BNC2: variants seen among roughly 807,000 people sequenced by gnomAD.
BNC2 encodes zinc finger protein basonuclin-2.
Under a neutral mutation model 76.3 loss-of-function variants are expected in BNC2, and 20 were observed. The ratio of observed to expected loss-of-function variants is 0.26; its 90% CI spans 0.18 to 0.38. The LOEUF (loss-of-function observed/expected upper bound fraction) is 0.38. Ranked by LOEUF, BNC2 falls within the 10% of genes least tolerant of loss-of-function variation. The pLI is 1.00. For missense variants in BNC2, 1,382 were observed against 1,399.8 expected (o/e 0.99, Z 0.20); for synonymous variants, 582 against 514.8 (o/e 1.13, Z -1.77).
chr9:16,709,470 A>C (rs188715001), intron 3 of BNC2, among the ~76,000 whole-genome samples: 1 of 152,324 alleles, frequency 6.6e-6, no homozygotes, highest in African/African-American at 2.4e-5. Flanking sequence ...CACAGAGCTT[A>C]TCAAAATAGG....
intron 3 of BNC2, among the ~76,000 whole-genome samples, chr9:16,617,323 T>A (rs1364732818): frequency 6.6e-6 from 1 of 152,050 alleles, no homozygotes; most frequent in African/African-American, 2.4e-5. Context: ...TACGAAAAAA[T>A]ACAATTGAAA....
At chr9:16,816,964 T>G (rs1818198783) in intron 1 of BNC2, among the ~76,000 whole-genome samples, 1 of 152,202 alleles carries the variant, frequency 6.6e-6, no homozygotes, top group African/African-American at 2.4e-5. Flanking sequence ...GACTTTTGTG[T>G]CACTGGCCAT....
chr9:16,682,643 G>T (rs959052382), intron 3 of BNC2, among the ~76,000 whole-genome samples: 4 of 152,112 alleles, frequency 2.6e-5, no homozygotes, highest in Admixed American at 2.6e-4. Flanking sequence ...GATCCTCCAC[G>T]CATTCACATA....
chr9:16,866,230 ATTTC>A (rs890312400), intron 1 of BNC2, among the ~76,000 whole-genome samples: 7 of 152,226 alleles, frequency 4.6e-5, no homozygotes, highest in South Asian at 2.1e-4. Flanking sequence ...TTTAAATCCT[ATTTC>A]TTTAACTTAT....
At chr9:16,753,741 A>G (rs1742726832) in intron 1 of BNC2, among the ~76,000 whole-genome samples, 1 of 152,196 alleles carries the variant, frequency 6.6e-6, no homozygotes, top group African/African-American at 2.4e-5. Context: ...ATATTTCTTC[A>G]AAATAATCTA....
At chr9:16,589,052 A>AG (rs1481896601) in intron 3 of BNC2, among the ~76,000 whole-genome samples, 3 of 152,208 alleles carry the variant, frequency 2.0e-5, no homozygotes, top group African/African-American at 4.8e-5. Flanking sequence ...TCATAATGAG[A>AG]GGGGAAAAAA....
chr9:16,730,105 C>G (rs1824463812), intron 2 of BNC2, among the ~76,000 whole-genome samples: 1 of 151,872 alleles, frequency 6.6e-6, no homozygotes, highest in African/African-American at 2.4e-5. Flanking sequence ...CCCAACACCC[C>G]ACACACACAC....
intron 5 of BNC2, among the ~76,000 whole-genome samples, chr9:16,546,921 A>C (rs1327579637): frequency 6.6e-6 from 1 of 152,232 alleles, no homozygotes; most frequent in Non-Finnish European, 1.5e-5. Context: ...TCCTCCTTCC[A>C]ATATTTAATA....
At chr9:16,605,450 C>A (rs182973948) in intron 3 of BNC2, among the ~76,000 whole-genome samples, 26 of 152,322 alleles carry the variant, frequency 1.7e-4, no homozygotes, top group Admixed American at 1.4e-3. Context: ...ACCACCTTTG[C>A]CAAGGCAGAG....
intron 6 of BNC2, chr9:16,421,350 A>G: frequency 1.8e-6 from 2 of 1,139,088 alleles, no homozygotes; most frequent in South Asian, 2.6e-5. Flanking sequence ...AGAAAGAAAG[A>G]GAAAGAGAGA....
At chr9:16,686,801 A>C (rs1373797379) in intron 3 of BNC2, among the ~76,000 whole-genome samples, 1 of 152,218 alleles carries the variant, frequency 6.6e-6, no homozygotes, top group East Asian at 1.9e-4. Flanking sequence ...ATCACTGGAA[A>C]GAAAAGAAAA....
intron 5 of BNC2, among the ~76,000 whole-genome samples, chr9:16,507,519 C>A (rs1167906320): frequency 6.6e-6 from 1 of 152,182 alleles, no homozygotes. Context: ...ACCTCCACCT[C>A]CCGGGTTCAA....
At chr9:16,748,888 G>A (rs1462310122) in intron 1 of BNC2, among the ~76,000 whole-genome samples, 1 of 137,874 alleles carries the variant, frequency 7.3e-6, no homozygotes, top group Non-Finnish European at 1.5e-5. Flanking sequence ...TGTTTTCTCT[G>A]TGTAAGCTTC....
intron 1 of BNC2, among the ~76,000 whole-genome samples, chr9:16,807,347 G>A (rs1461747068): frequency 1.3e-5 from 2 of 152,164 alleles, no homozygotes; most frequent in Admixed American, 1.3e-4. Context: ...TTATAGGACA[G>A]AAACTATCAT....
chr9:16,665,338 C>G (rs1305975161), intron 3 of BNC2, among the ~76,000 whole-genome samples: 1 of 140,576 alleles, frequency 7.1e-6, no homozygotes, highest in Non-Finnish European at 1.5e-5. Context: ...CCACTGTACT[C>G]CAGCCTGGGC....
intron 5 of BNC2, among the ~76,000 whole-genome samples, chr9:16,526,957 A>T (rs1211633299): frequency 6.6e-6 from 1 of 152,226 alleles, no homozygotes; most frequent in Non-Finnish European, 1.5e-5. Context: ...TCAATGCCAA[A>T]TAGAGAGAGC....
chr9:16,464,123 C>T (rs1300711220), intron 5 of BNC2, among the ~76,000 whole-genome samples: 1 of 147,426 alleles, frequency 6.8e-6, no homozygotes, highest in Non-Finnish European at 1.5e-5. Flanking sequence ...AGAAAGAAGA[C>T]AAATATAAAT....
chr9:16,742,474 C>T (rs1410028279), intron 1 of BNC2, among the ~76,000 whole-genome samples: 1 of 152,188 alleles, frequency 6.6e-6, no homozygotes, highest in Non-Finnish European at 1.5e-5. Context: ...ATGATGGGTT[C>T]CATCACCTGG....
chr9:16,782,880 ATGAG>A (rs1439581955), intron 1 of BNC2, among the ~76,000 whole-genome samples: 4 of 152,220 alleles, frequency 2.6e-5, no homozygotes, highest in African/African-American at 7.2e-5. Context: ...GTATTAATGA[ATGAG>A]TGAGTAAGTG....
Sources: allele counts gnomAD v4.1 joint callset (sites outside exome capture counted in the v4.1 genomes callset), GRCh38; gene constraint gnomAD v4.1.1; transcripts MANE v1.5; gene names NCBI Gene and HGNC (gene_info 2026-07-23, HGNC 2026-07-21).